The following CACNA1E variants were observed in gnomAD, a reference collection of about 807,000 sequenced individuals.
The protein encoded by CACNA1E is voltage-dependent R-type calcium channel subunit alpha-1E.
CACNA1E carries 40 observed loss-of-function variants against 259.2 expected under a neutral mutation model. That is an observed-to-expected ratio of 0.15 (90% CI 0.12 to 0.20). The LOEUF (loss-of-function observed/expected upper bound fraction) is 0.20, where lower values mean the gene tolerates loss of function less well. Among genes scored for constraint, CACNA1E ranks in the 10% least tolerant of loss-of-function variants. The pLI, the probability that CACNA1E is intolerant of heterozygous loss-of-function variation, is 1.00. For synonymous variants in CACNA1E, 1,104 were observed against 1,138.5 expected, an observed-to-expected ratio of 0.97 and a Z score of 0.61; for missense variants, 1,874 against 3,040.1, an observed-to-expected ratio of 0.62 and a Z score of 9.02.
chr1:181,790,701 T>G (rs1661228232), intron 44 of CACNA1E, 145 bp downstream of exon 44: 1 of 627,118 alleles, frequency 1.6e-6, no homozygotes. Flanking sequence ...GCCTTAGCCC[T>G]TTTCTAGCCC....
intron 25 of CACNA1E, chr1:181,745,326 A>G (rs1400326258): frequency 2.0e-6 from 1 of 490,442 alleles, no homozygotes; most frequent in Admixed American, 2.2e-5. Context: ...GTGAACACCC[A>G]AGTATTTTTT....
chr1:181,404,459 G>A (rs1657324273), intron 1 of CACNA1E, among the ~76,000 whole-genome samples: 1 of 152,146 alleles, frequency 6.6e-6, no homozygotes, highest in Non-Finnish European at 1.5e-5. Context: ...TGTTCTCAAT[G>A]AATTCTTTGG....
chr1:181,529,909 G>A (rs1667646386), intron 3 of CACNA1E, among the ~76,000 whole-genome samples: 2 of 152,188 alleles, frequency 1.3e-5, no homozygotes, highest in Non-Finnish European at 2.9e-5. Context: ...GGTTAATGCT[G>A]AAATGAACTA....
intron 2 of CACNA1E, among the ~76,000 whole-genome samples, chr1:181,423,450 G>A (rs1247291300): frequency 6.6e-6 from 1 of 152,180 alleles, no homozygotes; most frequent in Non-Finnish European, 1.5e-5. Flanking sequence ...GTGGACTGTG[G>A]TGAGTGACAA....
At chr1:181,575,554 CT>C (rs1015573441) in intron 3 of CACNA1E, among the ~76,000 whole-genome samples, 39 of 152,268 alleles carry the variant, frequency 2.6e-4, no homozygotes, top group African/African-American at 8.7e-4. Flanking sequence ...TTTGAGCCTT[CT>C]TTGCCTTTTA....
At chr1:181,650,975 A>G (rs1205117176) in intron 6 of CACNA1E, among the ~76,000 whole-genome samples, 19 of 152,208 alleles carry the variant, frequency 1.2e-4, no homozygotes, top group Admixed American at 1.2e-3. Context: ...CTTTTTGAGA[A>G]TTTGCCCAAT....
chr1:181,480,601 GAA>G, upstream of CACNA1E, among the ~76,000 whole-genome samples: 1 of 152,198 alleles, frequency 6.6e-6, no homozygotes, highest in East Asian at 1.9e-4. Context: ...TGATAACACT[GAA>G]GAGACAAGTC....
At chr1:181,744,537 A>G (rs1255992385) in intron 25 of CACNA1E, among the ~76,000 whole-genome samples, 2 of 152,366 alleles carry the variant, frequency 1.3e-5, no homozygotes, top group Non-Finnish European at 2.9e-5. Context: ...ACTCACGCTC[A>G]GCACAGCATA....
rs371501501 is a variant in CACNA1E at position 181,721,614 on chromosome 1, CT to C, written c.1957-131del. ...AGTTTAGGATTATTTATGGAAATGA[CT>C]TTTTTTTTTTTTAACTCCCTGGCAA... On this transcript the variant is annotated intron_variant, in intron 15 of 47. Transcript: ENST00000367573. 101,523 of 409,304 alleles carry C rather than the reference CT, an allele frequency of 0.25. 252 individuals are homozygous for C. Among genetic ancestry groups the C allele is most frequent in the Middle Eastern group, 0.32 (465 of 1,472 alleles). 25.4% of individuals were successfully genotyped at this position (409,304 alleles called of 1,614,324 possible). A position where few individuals can be genotyped will look rare whatever the true frequency, so the allele number is the denominator to read the frequency against.
upstream of CACNA1E, among the ~76,000 whole-genome samples, chr1:181,481,028 G>A (rs182747748): frequency 1.2e-4 from 19 of 152,248 alleles, no homozygotes; most frequent in Admixed American, 5.2e-4. Flanking sequence ...CAGGGATACC[G>A]AGATAGCCAC....
At chr1:181,728,346 C>G (rs1172300857) in intron 18 of CACNA1E, among the ~76,000 whole-genome samples, 2 of 152,178 alleles carry the variant, frequency 1.3e-5, no homozygotes, top group African/African-American at 4.8e-5. Flanking sequence ...TGTGGGTAGG[C>G]ACAGGCAGGG....
intron 6 of CACNA1E, among the ~76,000 whole-genome samples, chr1:181,608,021 G>C (rs1014356059): frequency 6.6e-6 from 1 of 152,184 alleles, no homozygotes; most frequent in Non-Finnish European, 1.5e-5. Flanking sequence ...GAGGAAATGA[G>C]GTTGTTAGAG....
Position 181,743,033 on chromosome 1 carries a change from A to T in CACNA1E, c.3719+3780A>T, listed in dbSNP as rs534772697. On this transcript the variant is annotated intron_variant, in intron 25 of 47. Transcript: ENST00000367573. ...CATTGCAACTTTTCTGTTCTTTCCAATTCACTTTTACGTTATAAGGCATTT... is the reference window on the plus strand; with the variant it reads ...CATTGCAACTTTTCTGTTCTTTCCATTTCACTTTTACGTTATAAGGCATTT... 2.5e-3 allele frequency among the ~76,000 whole-genome samples: 388 copies of T among 152,306 alleles called. 2 individuals carry two copies. Among genetic ancestry groups the T allele is most frequent in the African/African-American group, 9.2e-3 (381 of 41,566 alleles).
rs77549184 is a variant in CACNA1E at position 181,412,443 on chromosome 1, G to A, written c.-14-690G>A. Reference sequence around the variant, plus strand: ...AAAATTGCTGGATGTGGTGGTGTGTGCCTGTGGTTCCAGTTACTCAGGAGG... The same window carrying A: ...AAAATTGCTGGATGTGGTGGTGTGTACCTGTGGTTCCAGTTACTCAGGAGG... On this transcript the variant is annotated intron_variant, in intron 1 of 11. Coordinates refer to the CACNA1E transcript ENST00000524607. Among the ~76,000 whole-genome samples the A allele has an allele frequency of 9.2e-5, 14 of 152,262 alleles. No homozygotes were observed. The East Asian group carries it at 2.7e-3, about 29-fold the overall frequency.
At chr1:181,492,079 G>A (rs766283570) in intron 1 of CACNA1E, among the ~76,000 whole-genome samples, 6 of 152,134 alleles carry the variant, frequency 3.9e-5, no homozygotes, top group Non-Finnish European at 7.3e-5. Flanking sequence ...TTTTCCTCAG[G>A]ATTCTTTCAG....
At chr1:181,756,233 C>A in intron 29 of CACNA1E, 140 bp downstream of exon 29, 1 of 756,788 alleles carries the variant, frequency 1.3e-6, no homozygotes, top group Non-Finnish European at 2.0e-6. Context: ...GTGACACAGG[C>A]AGAAAAGAGG....
Position 181,798,259 on chromosome 1 carries a change from A to C in CACNA1E, c.6400-33A>C, listed in dbSNP as rs1558406599. ...TGCAAGTAGGGATCATGCCAAGCCCAATCTAACATGCCATGTCTCTCCTGC... is the reference window on the plus strand; with the variant it reads ...TGCAAGTAGGGATCATGCCAAGCCCCATCTAACATGCCATGTCTCTCCTGC... On this transcript the variant is annotated intron_variant, in intron 47 of 47. Coordinates refer to ENST00000367573, the MANE Select transcript of CACNA1E (RefSeq NM_001205293.3). This position sits in a 1 kb window ranked among gnomAD's most constrained non-coding sequence, Gnocchi z 4.2. 1 of 1,533,478 alleles carries C rather than the reference A, an allele frequency of 6.5e-7. No homozygotes were observed. The highest frequency in any genetic ancestry group is 8.8e-7 in the Non-Finnish European group (1 of 1,134,834). 95.0% of individuals were successfully genotyped at this position (1,533,478 alleles called of 1,614,324 possible).
chr1:181,543,889 T>C (rs1230131723), intron 3 of CACNA1E, among the ~76,000 whole-genome samples: 4 of 152,202 alleles, frequency 2.6e-5, no homozygotes, highest in Non-Finnish European at 4.4e-5. Flanking sequence ...ACATTGCTGT[T>C]GAGAATGTGA....
chr1:181,642,629 TAGA>T (rs1165872389), intron 6 of CACNA1E, among the ~76,000 whole-genome samples: 5 of 152,226 alleles, frequency 3.3e-5, no homozygotes, highest in Admixed American at 2.6e-4. Context: ...GCAAGCCCTG[TAGA>T]AGGGGCAAAG....
Sources: gnomAD v4.1 joint callset for allele counts (sites outside exome capture counted in the v4.1 genomes callset) on GRCh38, gnomAD v4.1.1 for gene constraint, Gnocchi (gnomAD v3.1) non-coding constraint, MANE v1.5 for transcripts, NCBI Gene and HGNC (gene_info 2026-07-23, HGNC 2026-07-21) for gene names.